Variants in SARS2 observed in about 807,000 individuals in gnomAD.
SARS2 encodes the protein seryl-tRNA synthetase 2, mitochondrial, also known as serine--tRNA ligase, mitochondrial.
A neutral mutation model predicts 66.8 loss-of-function variants in SARS2; 52 were observed. The ratio of observed to expected loss-of-function variants is 0.78; its 90% CI spans 0.62 to 0.98. The LOEUF (loss-of-function observed/expected upper bound fraction) is 0.98, where lower values mean the gene tolerates loss of function less well. SARS2 is among the 50% of genes least tolerant of loss of function. The pLI, the probability that SARS2 is intolerant of heterozygous loss-of-function variation, is 0.00. For missense variants in SARS2, 673 were observed against 706.3 expected (o/e 0.95, Z 0.53); for synonymous variants, 306 against 281.4 (o/e 1.09, Z -0.87).
chr19:38,923,290 C>T lies in SARS2; in HGVS notation c.364-1023G>A, dbSNP rs1363395731. On this transcript the variant is annotated intron_variant, in intron 2 of 15. Transcript: ENST00000221431. ...AGGCTGGAGTGCAGTGGGGGGATCT[C>T]GGCTCACTGCAAGCTCCGCCTCCCG... Among the ~76,000 whole-genome samples the T allele has an allele frequency of 1.1e-4, 13 of 122,794 alleles. 1 individual carries two copies. The highest frequency in any genetic ancestry group is 5.4e-4 in the Admixed American group (6 of 11,112). The allele number at this position is 122,794 out of a possible 152,430, so 80.6% of individuals were successfully genotyped here. A position where few individuals can be genotyped will look rare whatever the true frequency, so the allele number is the denominator to read the frequency against.
At chr19:38,928,580 T>C (rs1974671543) in intron 1 of SARS2, among the ~76,000 whole-genome samples, 1 of 152,222 alleles carries the variant, frequency 6.6e-6, no homozygotes, top group South Asian at 2.1e-4. Flanking sequence ...AATGTATTTC[T>C]TACTCTTGGC....
At position 38,917,939 on chromosome 19, in the gene SARS2, T is replaced by G. The variant is rs1282149458; in HGVS notation, c.1032A>C (p.Arg344=). ...NTGQEPRGLY[R]VHHFTKVEMF... ...CACCAGCCTTGGTGAAGTGGTGTAC[T>G]CGATACAGCCCCCGGGGTTCCTGTC... The change falls in exon 11 of 16, where the codon CGA becomes CGC. Residue 344 remains arginine, a synonymous_variant. Transcript: ENST00000221431. 2 of 1,611,092 alleles carry G rather than the reference T, an allele frequency of 1.2e-6. No homozygotes were observed. The highest frequency in any genetic ancestry group is 1.7e-6 in the Non-Finnish European group (2 of 1,178,538).
chr19:38,923,180 C>T (rs1343960185), intron 2 of SARS2, among the ~76,000 whole-genome samples: 5 of 147,108 alleles, frequency 3.4e-5, no homozygotes, highest in African/African-American at 7.6e-5. Flanking sequence ...GCTGGGATTA[C>T]AGGCGTGAGC....
intron 1 of SARS2, among the ~76,000 whole-genome samples, chr19:38,929,442 G>C (rs1974690631): frequency 6.6e-6 from 1 of 151,884 alleles, no homozygotes; most frequent in Non-Finnish European, 1.5e-5. Context: ...TGTAGTCCCA[G>C]CTACACGGGA....
intron 1 of SARS2, among the ~76,000 whole-genome samples, chr19:38,928,665 A>T (rs1304849747): frequency 6.6e-6 from 1 of 152,080 alleles, no homozygotes; most frequent in Non-Finnish European, 1.5e-5. Flanking sequence ...GGAATTTTCC[A>T]TCCTACCTCC....
At chr19:38,926,171 G>T in intron 2 of SARS2, 34 bp downstream of exon 2, 1 of 1,555,156 alleles carries the variant, frequency 6.4e-7, no homozygotes. Flanking sequence ...CACCCTCGTG[G>T]CCACTCCCCA....
At chr19:38,920,792 G>A (rs1438202725) in intron 5 of SARS2, among the ~76,000 whole-genome samples, 1 of 149,574 alleles carries the variant, frequency 6.7e-6, no homozygotes, top group Non-Finnish European at 1.5e-5. Flanking sequence ...GAGATATGCA[G>A]ATACACACAC....
In SARS2 at chr19:38,930,565, G is replaced by C; in HGVS notation, c.172C>G (p.Leu58Val). 6.2e-7 allele frequency: 1 copy of C among 1,613,932 alleles called. No homozygotes were observed. Among genetic ancestry groups the C allele is most frequent in the South Asian group, 1.1e-5 (1 of 91,088 alleles). The change falls in exon 1 of 16, where the codon CTG (leucine) becomes GTG (valine). Residue 58 changes from leucine to valine, a missense_variant. Coordinates refer to ENST00000221431, the MANE Select transcript of SARS2 (RefSeq NM_017827.4). ...AREGYSALPQ[L>V]DIERFCACPE... ...CATGCGCAGAACCGCTCTATGTCCA[G>C]CTGAGGGAGTGCGCTGTAGCCCTCG...
At chr19:38,925,376 C>T (rs1248478861) in intron 2 of SARS2, among the ~76,000 whole-genome samples, 2 of 152,198 alleles carry the variant, frequency 1.3e-5, no homozygotes, top group East Asian at 3.9e-4. Flanking sequence ...TGACGCAGTT[C>T]ACCCTTCCCT....
chr19:38,917,618 C>T (rs1321678423), intron 12 of SARS2, 106 bp downstream of exon 12: 8 of 786,714 alleles, frequency 1.0e-5, no homozygotes, highest in Admixed American at 5.6e-5. Flanking sequence ...ATGGGGGCAA[C>T]GAGGGGGCTG....
chr19:38,923,814 C>T (rs1017535814), intron 2 of SARS2, among the ~76,000 whole-genome samples: 19 of 152,012 alleles, frequency 1.2e-4, no homozygotes, highest in African/African-American at 4.1e-4. Flanking sequence ...ACTAAAAATA[C>T]AGAAAAAAAA....
At chr19:38,919,258 G>C (rs1974475094) in intron 7 of SARS2, among the ~76,000 whole-genome samples, 1 of 152,236 alleles carries the variant, frequency 6.6e-6, no homozygotes, top group African/African-American at 2.4e-5. Flanking sequence ...CTGTACTCCA[G>C]CCTGGGTGAC....
In SARS2 at chr19:38,916,133, G is replaced by A. The variant is rs755807965; in HGVS notation, c.1255-4C>T. 4.5e-5 allele frequency: 72 copies of A among 1,613,780 alleles called. No homozygotes were observed. Among genetic ancestry groups the A allele is most frequent in the Non-Finnish European group, 5.5e-5 (65 of 1,179,956 alleles). On this transcript the variant is annotated splice_region_variant and splice_polypyrimidine_tract_variant and intron_variant, in intron 13 of 15. Transcript: ENST00000221431. ...TGCAGTTGGAAGCACTGGTGACCTG[G>A]GGTGGAGGAGCGGCAGGCTGAGCGG...
intron 1 of SARS2, chr19:38,930,184 A>C: frequency 2.4e-6 from 1 of 425,390 alleles, no homozygotes. Context: ...ACGGAGGGCA[A>C]TGTCACATAG....
chr19:38,930,383 T>A (rs912679184), intron 1 of SARS2, 87 bp downstream of exon 1: 1 of 1,475,392 alleles, frequency 6.8e-7, no homozygotes, highest in Non-Finnish European at 9.0e-7. Context: ...CTACTACAGG[T>A]TCGCCCCCTG....
intron 5 of SARS2, among the ~76,000 whole-genome samples, chr19:38,920,946 C>CAG (rs1240275532): frequency 9.2e-6 from 1 of 108,792 alleles, no homozygotes; most frequent in African/African-American, 4.1e-5. Context: ...TAGACACACA[C>CAG]ACACAGACAC....
At chr19:38,923,884 G>C (rs1203965844) in intron 2 of SARS2, among the ~76,000 whole-genome samples, 1 of 152,156 alleles carries the variant, frequency 6.6e-6, no homozygotes, top group East Asian at 1.9e-4. Flanking sequence ...TGAGGCAGGA[G>C]AATGGCGTGA....
Position 38,916,059 on chromosome 19 carries a change from C to T in SARS2, c.1325G>A (p.Gly442Glu). ...CACCGTGTGGGCAAACTGCAGCTCC[C>T]CAGCCTCGGTCTGGAACATGATGTG... Reference protein sequence around the residue: ...RLHIMFQTEAGELQFAHTVNA... With the variant: ...RLHIMFQTEAEELQFAHTVNA... Residue 442 changes from glycine (G) to glutamate (E), a missense_variant, in exon 14 of 16, where the codon GGG (glycine) becomes GAG (glutamate). Transcript: ENST00000221431. The T allele has an allele frequency of 6.2e-7, 1 of 1,613,736 alleles. No individual in the cohort carries two copies. The highest frequency in any genetic ancestry group is 1.3e-5 in the African/African-American group (1 of 75,038).
At chr19:38,929,698 G>C (rs1025135177) in intron 1 of SARS2, among the ~76,000 whole-genome samples, 1 of 152,098 alleles carries the variant, frequency 6.6e-6, no homozygotes, top group African/African-American at 2.4e-5. Context: ...TGATAAAATG[G>C]GAGAAATAAT....
Sources: gnomAD v4.1 joint callset for allele counts (sites outside exome capture counted in the v4.1 genomes callset) on GRCh38, gnomAD v4.1.1 for gene constraint, MANE v1.5 for transcripts, NCBI Gene and HGNC (gene_info 2026-07-23, HGNC 2026-07-21) for gene names.